Variants in TTC28 observed in about 807,000 individuals in gnomAD.
TTC28 encodes tetratricopeptide repeat domain 28.
TTC28 carries 61 observed loss-of-function variants against 198.0 expected under a neutral mutation model. The ratio of observed to expected loss-of-function variants is 0.31; its 90% CI spans 0.25 to 0.38. The LOEUF is 0.38. Ranked by LOEUF, TTC28 falls within the 10% of genes least tolerant of loss-of-function variation. The probability of loss-of-function intolerance (pLI) is 1.00; values close to 1 mark genes in which losing one functional copy is unlikely to be tolerated. For missense variants in TTC28, 2,678 were observed against 3,164.0 expected (o/e 0.85, Z 3.69); for synonymous variants, 1,171 against 1,297.8 (o/e 0.90, Z 2.10).
intron 15 of TTC28, 56 bp from the exon 16 acceptor site, chr22:27,999,316 C>T (rs1251917960): frequency 9.4e-6 from 14 of 1,489,934 alleles, no homozygotes; most frequent in Admixed American, 4.3e-5. Flanking sequence ...CCAGGCTGCC[C>T]GGCAGTGGTC....
intron 14 of TTC28, 161 bp from the exon 15 acceptor site, chr22:28,001,714 C>A (rs1408345571): frequency 7.6e-6 from 6 of 789,562 alleles, no homozygotes; most frequent in Non-Finnish European, 9.8e-6. Flanking sequence ...TGCAGCCCTG[C>A]AGGAGCGGCA....
intron 2 of TTC28, among the ~76,000 whole-genome samples, chr22:28,566,979 G>A (rs2049979046): frequency 6.6e-6 from 1 of 152,038 alleles, no homozygotes; most frequent in Non-Finnish European, 1.5e-5. Flanking sequence ...CACTTTGGGA[G>A]GCCAAGGCTG....
intron 3 of TTC28, among the ~76,000 whole-genome samples, chr22:28,303,137 C>CAAGAAGCGG (rs2045061532): frequency 6.6e-6 from 1 of 152,122 alleles, no homozygotes; most frequent in South Asian, 2.1e-4. Context: ...AGGTCCTCAG[C>CAAGAAGCGG]AAGAAGCGGC....
chr22:28,099,078 C>T (rs2146874138), intron 9 of TTC28, 34 bp from the exon 10 acceptor site: 1 of 1,550,984 alleles, frequency 6.4e-7, no homozygotes, highest in Non-Finnish European at 8.7e-7. Flanking sequence ...CATCCATTCC[C>T]CAGAAACCAA....
Position 28,107,216 on chromosome 22 carries a change from C to T in TTC28, c.2629G>A (p.Gly877Ser), listed in dbSNP as rs1166826612. Residue 877 changes from glycine to serine, a missense_variant, in exon 7 of 23, where the codon GGC (glycine) becomes AGC (serine). Transcript: ENST00000397906. ...TCCCCCAGGTTGCCATAGGCCCGGCCCCTGTCGAGCACAGACTCATTTCCA... is the reference window on the plus strand; with the variant it reads ...TCCCCCAGGTTGCCATAGGCCCGGCTCCTGTCGAGCACAGACTCATTTCCA... The part of the protein sequence containing the change: ...LSGNESVLDR[G>S]RAYGNLGDCY... 5 of 1,551,738 alleles carry T rather than the reference C, an allele frequency of 3.2e-6. No homozygotes were observed. Among genetic ancestry groups the T allele is most frequent in the South Asian group, 2.4e-5 (2 of 84,056 alleles).
intron 5 of TTC28, among the ~76,000 whole-genome samples, chr22:28,272,184 G>A (rs1932131105): frequency 6.6e-6 from 1 of 152,096 alleles, no homozygotes; most frequent in African/African-American, 2.4e-5. Flanking sequence ...TAGCACAGAT[G>A]GTGCTTCATA....
chr22:28,443,255 T>G (rs1443512700), intron 2 of TTC28, among the ~76,000 whole-genome samples: 12 of 152,190 alleles, frequency 7.9e-5, no homozygotes. Context: ...GAGAAGAGAC[T>G]GAGAACGCGG....
chr22:28,148,442 T>A (rs2147008109), intron 6 of TTC28, among the ~76,000 whole-genome samples: 1 of 152,130 alleles, frequency 6.6e-6, no homozygotes, highest in South Asian at 2.1e-4. Flanking sequence ...TGAAACCCCA[T>A]CTCTACTAAA....
intron 19 of TTC28, 145 bp from the exon 20 acceptor site, chr22:27,990,957 A>G: frequency 1.3e-6 from 1 of 771,514 alleles, no homozygotes; most frequent in Non-Finnish European, 2.1e-6. Context: ...AGGGGAGAGG[A>G]GCAAGAGTCA....
intron 2 of TTC28, among the ~76,000 whole-genome samples, chr22:28,320,705 G>T (rs1349095425): frequency 6.6e-6 from 1 of 152,142 alleles, no homozygotes; most frequent in East Asian, 1.9e-4. Flanking sequence ...GATTCTAAAT[G>T]TACCAAAAGT....
intron 5 of TTC28, among the ~76,000 whole-genome samples, chr22:28,167,201 G>T (rs781347631): frequency 6.6e-6 from 1 of 151,986 alleles, no homozygotes; most frequent in Non-Finnish European, 1.5e-5. Context: ...GCCAAGAAAA[G>T]GTCCAGGACC....
intron 2 of TTC28, among the ~76,000 whole-genome samples, chr22:28,355,413 T>A (rs2046060921): frequency 1.3e-5 from 2 of 152,208 alleles, no homozygotes; most frequent in South Asian, 4.1e-4. Context: ...GGAAGGTATA[T>A]CTACACAATA....
rs138912454 is a variant in TTC28 at position 28,082,442 on chromosome 22, G to A, written c.3932+11638C>T. On this transcript the variant is annotated intron_variant, in intron 12 of 22. Transcript: ENST00000397906. The stretch of plus-strand genomic sequence containing the variant: ...TAATTTCCTTTTACTAGCTTGCAGT[G>A]TGGTTTTTATCATGAAAGGGTGTTA... 4.5e-3 allele frequency among the ~76,000 whole-genome samples: 683 copies of A among 152,270 alleles called. 2 individuals are homozygous for A. Among genetic ancestry groups the A allele is most frequent in the African/African-American group, 0.016 (647 of 41,562 alleles).
chr22:28,508,193 A>G (rs6519752), intron 2 of TTC28, among the ~76,000 whole-genome samples: 28,270 of 152,018 alleles, frequency 0.19, 3,073 homozygotes, highest in African/African-American at 0.3. Flanking sequence ...CAAAATAAAG[A>G]GATGGAGGAA....
chr22:28,195,953 A>C (rs1191859919), intron 5 of TTC28, among the ~76,000 whole-genome samples: 23 of 152,030 alleles, frequency 1.5e-4, no homozygotes, highest in Non-Finnish European at 2.1e-4. Context: ...GTTCATATGG[A>C]ACCAAAAAAG....
intron 6 of TTC28, among the ~76,000 whole-genome samples, chr22:28,125,210 G>C (rs902902151): frequency 6.6e-6 from 1 of 152,188 alleles, no homozygotes; most frequent in African/African-American, 2.4e-5. Context: ...CCCAACATTA[G>C]AGAGCTGGCT....
At chr22:28,572,603 T>G (rs1190398118) in intron 2 of TTC28, among the ~76,000 whole-genome samples, 1 of 152,128 alleles carries the variant, frequency 6.6e-6, no homozygotes, top group Non-Finnish European at 1.5e-5. Flanking sequence ...CAGGTAATAT[T>G]AATACATTTT....
At chr22:28,339,907 C>A (rs374251826) in intron 2 of TTC28, among the ~76,000 whole-genome samples, 1 of 152,172 alleles carries the variant, frequency 6.6e-6, no homozygotes, top group South Asian at 2.1e-4. Context: ...CCTGCACCCA[C>A]TGTCCAACAC....
chr22:28,296,175 T>C, intron 5 of TTC28, 23 bp downstream of exon 5: 1 of 1,524,882 alleles, frequency 6.6e-7, no homozygotes. Flanking sequence ...AAAATGTTTT[T>C]GGTCTGCAGA....
Sources: gnomAD v4.1 joint callset for allele counts (sites outside exome capture counted in the v4.1 genomes callset) on GRCh38, gnomAD v4.1.1 for gene constraint, MANE v1.5 for transcripts, NCBI Gene and HGNC (gene_info 2026-07-23, HGNC 2026-07-21) for gene names.